The following GPC6 variants were observed in gnomAD, a reference collection of about 807,000 sequenced individuals.
GPC6 encodes the protein glypican 6.
In GPC6, 14 loss-of-function variants were observed where a neutral mutation model predicts 55.2. That is an observed-to-expected ratio of 0.25 (90% CI 0.17 to 0.40). The LOEUF (loss-of-function observed/expected upper bound fraction) is 0.40, where lower values mean the gene tolerates loss of function less well. Among genes scored for constraint, GPC6 ranks in the 10% least tolerant of loss-of-function variants. GPC6 has a pLI of 1.00. For synonymous variants in GPC6, 278 were observed against 259.6 expected (o/e 1.07, Z -0.68); for missense variants, 641 against 708.5 (o/e 0.90, Z 1.08).
At chr13:94,334,957 T>G (rs967116428) in intron 6 of GPC6, among the ~76,000 whole-genome samples, 3 of 152,224 alleles carry the variant, frequency 2.0e-5, no homozygotes, top group Non-Finnish European at 4.4e-5. Flanking sequence ...GTCAAACTAT[T>G]AGACACCATG....
chr13:93,371,093 ATGT>A (rs1308375451), intron 1 of GPC6, among the ~76,000 whole-genome samples: 1 of 152,130 alleles, frequency 6.6e-6, no homozygotes, highest in African/African-American at 2.4e-5. Context: ...GTTGTGACAG[ATGT>A]TGTATTCTGA....
intron 1 of GPC6, among the ~76,000 whole-genome samples, chr13:93,309,030 C>T (rs1878971182): frequency 6.6e-6 from 1 of 152,034 alleles, no homozygotes; most frequent in Non-Finnish European, 1.5e-5. Flanking sequence ...TTTAAGGAAA[C>T]TACTATAGTG....
chr13:93,805,588 A>G (rs1886520673), intron 2 of GPC6, among the ~76,000 whole-genome samples: 1 of 152,232 alleles, frequency 6.6e-6, no homozygotes, highest in Non-Finnish European at 1.5e-5. Context: ...ATGGGTAGTT[A>G]TATGGCGTGC....
At chr13:93,577,166 C>T (rs1184570050) in intron 2 of GPC6, among the ~76,000 whole-genome samples, 1 of 152,036 alleles carries the variant, frequency 6.6e-6, no homozygotes, top group Non-Finnish European at 1.5e-5. Flanking sequence ...TTATGGGGAG[C>T]AACAGAAATA....
chr13:93,736,904 TC>T (rs1884024145), intron 2 of GPC6, among the ~76,000 whole-genome samples: 1 of 152,172 alleles, frequency 6.6e-6, no homozygotes, highest in African/African-American at 2.4e-5. Flanking sequence ...AATGCCCACT[TC>T]TGTTAGCTAA....
chr13:93,388,365 C>A (rs1875484797), intron 1 of GPC6, among the ~76,000 whole-genome samples: 1 of 152,166 alleles, frequency 6.6e-6, no homozygotes, highest in Admixed American at 6.5e-5. Flanking sequence ...CATGACCTTA[C>A]CCAAGGAGGG....
rs9589883 is a variant in GPC6, at chr13:94,028,038, A to T, written c.877+144A>T. ...CCAGCACTTTGGGAGGCCAGTACAG[A>T]TGGATTGCTTGAGCCCAGGAGTTTG... On this transcript the variant is annotated intron_variant, in intron 4 of 8. Coordinates refer to ENST00000377047, the MANE Select transcript of GPC6 (RefSeq NM_005708.5). 115,989 of 771,190 alleles carry T rather than the reference A, an allele frequency of 0.15. 10,101 individuals are homozygous for T. The highest frequency in any genetic ancestry group is 0.34 in the East Asian group (12,671 of 37,790). The allele number at this position is 771,190 out of a possible 1,614,324, so 47.8% of individuals were successfully genotyped here.
At chr13:94,158,344 T>C (rs1359525063) in intron 4 of GPC6, among the ~76,000 whole-genome samples, 2 of 149,018 alleles carry the variant, frequency 1.3e-5, no homozygotes, top group African/African-American at 5.0e-5. Flanking sequence ...TTGAGTTGAA[T>C]AATTACCCTT....
chr13:93,363,220 G>T (rs1338380323), intron 1 of GPC6, among the ~76,000 whole-genome samples: 2 of 150,372 alleles, frequency 1.3e-5, no homozygotes, highest in Non-Finnish European at 2.9e-5. Flanking sequence ...TGCCATGCTG[G>T]TGTGCTGCAC....
At chr13:93,220,143 A>G in the GPC6 span, among the ~76,000 whole-genome samples, 3 of 152,228 alleles carry the variant, frequency 2.0e-5, no homozygotes, top group Admixed American at 2.0e-4. Flanking sequence ...TAATTAACTC[A>G]GGGCCTTTAA....
intron 6 of GPC6, among the ~76,000 whole-genome samples, chr13:94,344,645 G>A (rs1878197954): frequency 6.6e-6 from 1 of 152,194 alleles, no homozygotes; most frequent in Admixed American, 6.5e-5. Flanking sequence ...GCAACAGACC[G>A]AATCCCTTCC....
chr13:93,936,167 A>C (rs1878427658), intron 3 of GPC6, among the ~76,000 whole-genome samples: 1 of 152,204 alleles, frequency 6.6e-6, no homozygotes, highest in Admixed American at 6.5e-5. Flanking sequence ...CAATGTTGCA[A>C]TATCATTTAC....
chr13:94,271,485 G>A (rs1892024211), intron 4 of GPC6, among the ~76,000 whole-genome samples: 1 of 151,890 alleles, frequency 6.6e-6, no homozygotes, highest in African/African-American at 2.4e-5. Flanking sequence ...ATTCACTAAT[G>A]TTATTTTTCA....
At chr13:93,804,462 T>C (rs1886479107) in intron 2 of GPC6, among the ~76,000 whole-genome samples, 1 of 152,216 alleles carries the variant, frequency 6.6e-6, no homozygotes, top group African/African-American at 2.4e-5. Flanking sequence ...GTTTGCGTAC[T>C]TCTCACCTGT....
intron 3 of GPC6, among the ~76,000 whole-genome samples, chr13:94,000,521 C>T (rs1466966197): frequency 5.3e-5 from 8 of 152,060 alleles, no homozygotes; most frequent in African/African-American, 1.9e-4. Flanking sequence ...TCTATAGCTT[C>T]TCTATATAGC....
chr13:93,524,585 C>T (rs1020383047), intron 1 of GPC6, among the ~76,000 whole-genome samples: 1 of 152,038 alleles, frequency 6.6e-6, no homozygotes, highest in African/African-American at 2.4e-5. Flanking sequence ...TACATGTACA[C>T]ACCCTTTATT....
chr13:93,749,497 G>A (rs1314245997), intron 2 of GPC6, among the ~76,000 whole-genome samples: 1 of 151,612 alleles, frequency 6.6e-6, no homozygotes, highest in African/African-American at 2.4e-5. Flanking sequence ...CCTAGGATAG[G>A]TCTTTTACAA....
At chr13:93,500,557 G>C (rs566901589) in intron 1 of GPC6, among the ~76,000 whole-genome samples, 1 of 152,126 alleles carries the variant, frequency 6.6e-6, no homozygotes, top group Non-Finnish European at 1.5e-5. Context: ...AATATCCCAC[G>C]AACATATATC....
intron 3 of GPC6, among the ~76,000 whole-genome samples, chr13:93,952,750 C>T (rs763374475): frequency 1.6e-4 from 24 of 147,678 alleles, no homozygotes; most frequent in Non-Finnish European, 2.4e-4. Context: ...TGTGTATGTG[C>T]GTGTGACGTG....
Sources: gnomAD v4.1 joint callset for allele counts (sites outside exome capture counted in the v4.1 genomes callset) on GRCh38, gnomAD v4.1.1 for gene constraint, MANE v1.5 for transcripts, NCBI Gene and HGNC (gene_info 2026-07-23, HGNC 2026-07-21) for gene names.